The following EIF3D variants were observed in gnomAD, a reference collection of about 807,000 sequenced individuals.
The protein encoded by EIF3D is eukaryotic translation initiation factor 3 subunit D, also known as eIF3 p66.
Under a neutral mutation model 75.4 loss-of-function variants are expected in EIF3D, and 10 were observed. That is an observed-to-expected ratio of 0.13 (90% CI 0.08 to 0.22). EIF3D has a LOEUF of 0.22. Among genes scored for constraint, EIF3D ranks in the 10% least tolerant of loss-of-function variants. The probability of loss-of-function intolerance (pLI) is 1.00; values close to 1 mark genes in which losing one functional copy is unlikely to be tolerated. For synonymous variants in EIF3D, 246 were observed against 248.3 expected (o/e 0.99, Z 0.09); for missense variants, 394 against 708.0 (o/e 0.56, Z 5.03).
intron 4 of EIF3D, 99 bp downstream of exon 4, chr22:36,524,497 C>G (rs1221544346): frequency 6.5e-7 from 1 of 1,541,716 alleles, no homozygotes; most frequent in East Asian, 2.3e-5. Flanking sequence ...CTATAATATG[C>G]TTCCCTCTCT....
rs968948774 is a variant in EIF3D at position 36,516,967 on chromosome 22, C to A, written c.991-177G>T. ...ACTTGACCCCTCCCAACTGTTAGCA[C>A]CTGATGAATTAGAACAATGACTTAG... On this transcript the variant is annotated intron_variant, in intron 10 of 14. Transcript: ENST00000216190. 7 of 640,082 alleles carry A rather than the reference C, an allele frequency of 1.1e-5. No individual in the cohort carries two copies. In the African/African-American group the frequency reaches 1.1e-4, roughly 10 times the overall value. The allele number at this position is 640,082 out of a possible 1,614,324, so 39.7% of individuals were successfully genotyped here.
chr22:36,512,388 G>A, intron 13 of EIF3D, 72 bp downstream of exon 13: 3 of 1,582,480 alleles, frequency 1.9e-6, no homozygotes, highest in Non-Finnish European at 2.6e-6. Flanking sequence ...CACGGGGAGG[G>A]GAGGGTCAAC....
At position 36,516,783 on chromosome 22, in the gene EIF3D, T is replaced by C. The variant is rs1352077617; in HGVS notation, c.998A>G (p.Glu333Gly). Residue 333 changes from glutamate (E) to glycine (G), a missense_variant, in exon 11 of 15, where the codon GAA (glutamate) becomes GGA (glycine). Physicochemically the swap from Glu to Gly is moderately conservative, Grantham distance 98 (BLOSUM62 -2). Coordinates refer to ENST00000216190, the MANE Select transcript of EIF3D (RefSeq NM_003753.4). Reference protein sequence around the residue: ...FSQQCLRMGKERYNFPNPNPF... With the variant: ...FSQQCLRMGKGRYNFPNPNPF... ...GTTTGGGTTGGGGAAGTTGTATCTT[T>C]CCTTCCCCTGCAAAAACAAAGGTGT... is the stretch of plus-strand genomic sequence containing the variant. 1 of 1,614,164 alleles carries C rather than the reference T, an allele frequency of 6.2e-7. No individual in the cohort carries two copies. Among genetic ancestry groups the C allele is most frequent in the Admixed American group, 1.7e-5 (1 of 60,018 alleles).
intron 9 of EIF3D, among the ~76,000 whole-genome samples, chr22:36,517,909 G>A (rs1170915332): frequency 6.6e-6 from 1 of 151,872 alleles, no homozygotes; most frequent in African/African-American, 2.4e-5. Context: ...CACCACACCT[G>A]GCTAATTTTT....
chr22:36,524,773 G>C, intron 3 of EIF3D, 41 bp from the exon 4 acceptor site: 1 of 1,613,808 alleles, frequency 6.2e-7, no homozygotes. Context: ...TGCACCCACA[G>C]ACTTTACCAG....
intron 12 of EIF3D, chr22:36,516,262 T>G: frequency 2.0e-6 from 1 of 506,770 alleles, no homozygotes; most frequent in South Asian, 3.6e-5. Context: ...GAAAAGTTCT[T>G]AACACTTAAC....
chr22:36,525,724 A>G lies in EIF3D; in HGVS notation c.124-15T>C, dbSNP rs1466812798. The stretch of plus-strand genomic sequence containing the variant: ...CAGTCTGCAACCTACGAAGAACAAG[A>G]AAAGACAGAGAATGCACAGGTCAAC... On this transcript the variant is annotated splice_polypyrimidine_tract_variant and intron_variant, in intron 2 of 14. Transcript: ENST00000216190. 3 of 1,610,146 alleles carry G rather than the reference A, an allele frequency of 1.9e-6. No individual in the cohort carries two copies. Among genetic ancestry groups the G allele is most frequent in the Non-Finnish European group, 2.5e-6 (3 of 1,179,194 alleles).
rs1274863310 is a variant in EIF3D at position 36,520,645 on chromosome 22, A to T, written c.509T>A (p.Val170Glu). 1 of 1,613,440 alleles carries T rather than the reference A, an allele frequency of 6.2e-7. No individual in the cohort carries two copies. The highest frequency in any genetic ancestry group is 8.5e-7 in the Non-Finnish European group (1 of 1,179,510). Residue 170 changes from valine (V) to glutamate (E), a missense_variant, in exon 7 of 15, where the codon GTG (valine) becomes GAG (glutamate). Coordinates refer to ENST00000216190, the MANE Select transcript of EIF3D (RefSeq NM_003753.4). The part of the protein sequence containing the change: ...SSVEVRSDWE[V>E]KEEMDFPQLM... ...CTGAGGAAAATCCATTTCCTCTTTC[A>T]CTTCCCAATCACTACGAACTTCAAC...
intron 7 of EIF3D, 24 bp from the exon 8 acceptor site, chr22:36,519,561 A>G (rs776853920): frequency 3.1e-6 from 5 of 1,613,700 alleles, no homozygotes; most frequent in Non-Finnish European, 8.5e-7. Flanking sequence ...AGGCAAAGAC[A>G]TGCAAAGTAA....
At chr22:36,525,833 G>T in intron 2 of EIF3D, 124 bp from the exon 3 acceptor site, 1 of 1,453,626 alleles carries the variant, frequency 6.9e-7, no homozygotes, top group Non-Finnish European at 9.4e-7. Context: ...CAACACCTCT[G>T]TAAGTGCCCA....
chr22:36,518,614 CTAAAGAGTG>C, intron 9 of EIF3D, 140 bp downstream of exon 9: 1 of 998,654 alleles, frequency 1.0e-6, no homozygotes, highest in Non-Finnish European at 1.4e-6. Context: ...CTCCTAACCT[CTAAAGAGTG>C]TGGGAGATTC....
intron 3 of EIF3D, among the ~76,000 whole-genome samples, chr22:36,525,207 A>G (rs1218883365): frequency 1.4e-5 from 2 of 143,884 alleles, no homozygotes; most frequent in African/African-American, 5.2e-5. Context: ...AAGCCTTTTT[A>G]TGGTACCAGG....
At chr22:36,521,225 C>T (rs970765631) in intron 6 of EIF3D, among the ~76,000 whole-genome samples, 1 of 151,240 alleles carries the variant, frequency 6.6e-6, no homozygotes, top group Non-Finnish European at 1.5e-5. Context: ...AGAAAAAGAG[C>T]TTTTATTCAA....
intron 7 of EIF3D, among the ~76,000 whole-genome samples, chr22:36,520,063 A>G (rs1190329103): frequency 6.6e-6 from 1 of 152,240 alleles, no homozygotes; most frequent in Non-Finnish European, 1.5e-5. Context: ...TCTTTCTGCC[A>G]AAAGAGTTGT....
intron 8 of EIF3D, among the ~76,000 whole-genome samples, chr22:36,519,133 GCTTTCAC>G (rs1465426653): frequency 3.3e-5 from 5 of 152,204 alleles, no homozygotes; most frequent in African/African-American, 4.8e-5. Context: ...TGCTTCAGAT[GCTTTCAC>G]CTTTGCCCCA....
Position 36,523,939 on chromosome 22 carries a change from C to T in EIF3D, c.348G>A (p.Gln116=), listed in dbSNP as rs749099879. The part of the protein sequence containing the change: ...RRDKDRRNML[Q]FNLQILPKSA... ...TCTTAGGCAGGATCTGCAGGTTGAA[C>T]TGCAACATGTTCCGACGATCTTTGT... Residue 116 remains glutamine (Q), a synonymous_variant, in exon 5 of 15, where the codon CAG becomes CAA. Transcript: ENST00000216190. The T allele has an allele frequency of 1.9e-6, 3 of 1,614,132 alleles. No individual in the cohort carries two copies. Among genetic ancestry groups the T allele is most frequent in the Non-Finnish European group, 2.5e-6 (3 of 1,180,022 alleles).
chr22:36,516,711 G>C lies in EIF3D; in HGVS notation c.1070C>G (p.Ala357Gly). The C allele has an allele frequency of 1.2e-6, 2 of 1,614,208 alleles. No individual in the cohort carries two copies. Among genetic ancestry groups the C allele is most frequent in the South Asian group, 1.1e-5 (1 of 91,086 alleles). ...DMDKNEIASV[A>G]YRYRRWKLGD... The stretch of plus-strand genomic sequence containing the variant: ...CACCAGAGAGGTGACCTACCGGTAC[G>C]CAACAGAGGCGATTTCATTCTTATC... Residue 357 changes from alanine to glycine, a missense_variant, in exon 11 of 15, where the codon GCG becomes GGG. Transcript: ENST00000216190.
chr22:36,520,831 G>A, intron 6 of EIF3D, 143 bp from the exon 7 acceptor site: 2 of 568,118 alleles, frequency 3.5e-6, no homozygotes, highest in Non-Finnish European at 6.2e-6. Context: ...GGGGCAGGAT[G>A]ATTGCTTGAG....
intron 7 of EIF3D, 118 bp downstream of exon 7, chr22:36,520,458 G>T: frequency 1.5e-6 from 1 of 667,656 alleles, no homozygotes; most frequent in Non-Finnish European, 2.5e-6. Context: ...TATGAAATGT[G>T]TTTTGAGTAA....
Sources: allele counts gnomAD v4.1 joint callset (sites outside exome capture counted in the v4.1 genomes callset), GRCh38; gene constraint gnomAD v4.1.1; transcripts MANE v1.5; gene names NCBI Gene and HGNC (gene_info 2026-07-23, HGNC 2026-07-21).